STMN3: variants seen among roughly 807,000 people sequenced by gnomAD.
STMN3 encodes the protein stathmin 3.
In STMN3, 24 loss-of-function variants were observed where a neutral mutation model predicts 23.2. The ratio of observed to expected loss-of-function variants is 1.03; its 90% CI spans 0.75 to 1.45. The LOEUF is 1.45. Ranked by LOEUF, STMN3 falls within the 40% of genes most tolerant of loss-of-function variation. The pLI, the probability that STMN3 is intolerant of heterozygous loss-of-function variation, is 0.00. For synonymous variants in STMN3, 117 were observed against 103.4 expected, an observed-to-expected ratio of 1.13 and a Z score of -0.80; for missense variants, 235 against 237.6, an observed-to-expected ratio of 0.99 and a Z score of 0.07.
chr20:63,647,817 A>G (rs1286808733), intron 1 of STMN3, among the ~76,000 whole-genome samples: 7 of 128,308 alleles, frequency 5.5e-5, no homozygotes, highest in African/African-American at 1.7e-4. Flanking sequence ...ACACGTGTAT[A>G]TATAATATAT....
intron 1 of STMN3, among the ~76,000 whole-genome samples, chr20:63,646,672 A>G (rs936842862): frequency 6.6e-6 from 1 of 151,866 alleles, no homozygotes; most frequent in Non-Finnish European, 1.5e-5. Context: ...TTTTAGAAAC[A>G]GGACTGTGCT....
chr20:63,647,015 A>G (rs2089814349), intron 1 of STMN3, among the ~76,000 whole-genome samples: 1 of 151,996 alleles, frequency 6.6e-6, no homozygotes, highest in African/African-American at 2.4e-5. Context: ...GCTTAAAAAA[A>G]AGAAAAAAAT....
intron 2 of STMN3, 24 bp from the exon 3 acceptor site, chr20:63,643,955 G>C (rs776007815): frequency 6.3e-7 from 1 of 1,586,612 alleles, no homozygotes; most frequent in Middle Eastern, 1.7e-4. Context: ...CCAGAGTAGA[G>C]CTTCAGAGGC....
At chr20:63,644,529 T>C (rs953658159) in intron 1 of STMN3, among the ~76,000 whole-genome samples, 1 of 152,152 alleles carries the variant, frequency 6.6e-6, no homozygotes, top group African/African-American at 2.4e-5. Context: ...GCCTTCTGTC[T>C]CTCTCGCCCT....
chr20:63,641,593 T>G (rs2089762648), intron 4 of STMN3, among the ~76,000 whole-genome samples, 196 bp from the exon 5 acceptor site: 1 of 152,124 alleles, frequency 6.6e-6, no homozygotes, highest in African/African-American at 2.4e-5. Context: ...AAGGACGGGT[T>G]TCCTGGGAGC....
intron 4 of STMN3, 149 bp from the exon 5 acceptor site, chr20:63,641,546 G>A (rs1601053343): frequency 5.9e-5 from 37 of 629,338 alleles, no homozygotes; most frequent in South Asian, 4.8e-4. Context: ...TTGAGGGGGC[G>A]GGAGCACCGG....
intron 3 of STMN3, 129 bp downstream of exon 3, chr20:63,643,627 C>A: frequency 7.3e-7 from 1 of 1,371,646 alleles, no homozygotes; most frequent in Non-Finnish European, 9.3e-7. Context: ...CAGGGAGCCA[C>A]AGCCCCTCCT....
At chr20:63,644,568 G>A (rs910119944) in intron 1 of STMN3, among the ~76,000 whole-genome samples, 1 of 151,966 alleles carries the variant, frequency 6.6e-6, no homozygotes, top group Non-Finnish European at 1.5e-5. Context: ...CCTCTCTCTC[G>A]GCATTAATGT....
intron 1 of STMN3, among the ~76,000 whole-genome samples, chr20:63,648,808 C>T (rs1232287902): frequency 1.3e-5 from 2 of 152,134 alleles, no homozygotes; most frequent in East Asian, 3.9e-4. Context: ...AAGCCCCTGT[C>T]TGCCCTAAGC....
rs766303752 is a variant in STMN3 at position 63,643,939 on chromosome 20, GC to G, written c.116-9del. The stretch of plus-strand genomic sequence containing the variant: ...GCTGCTTCACCTCCATGTCTGCAGG[GC>G]AAGACCAGAGTAGAGCTTCAGAGGC... On this transcript the variant is annotated splice_polypyrimidine_tract_variant and intron_variant, in intron 2 of 4. Transcript: ENST00000370053. 11 of 1,593,774 alleles carry G rather than the reference GC, an allele frequency of 6.9e-6. No homozygotes were observed. The African/African-American group carries it at 1.5e-4, about 22-fold the overall frequency.
intron 2 of STMN3, 62 bp downstream of exon 2, chr20:63,644,152 C>CG (rs1945539681): frequency 6.7e-7 from 1 of 1,503,634 alleles, no homozygotes; most frequent in South Asian, 1.1e-5. Flanking sequence ...TGCCGGAGGC[C>CG]GGGGGAAAAG....
At chr20:63,649,528 C>T (rs1221377277) in intron 1 of STMN3, among the ~76,000 whole-genome samples, 1 of 151,964 alleles carries the variant, frequency 6.6e-6, no homozygotes, top group African/African-American at 2.4e-5. Flanking sequence ...CTCCCTCTCT[C>T]TCTCTCTTTT....
chr20:63,650,931 G>A (rs980115581), intron 1 of STMN3, among the ~76,000 whole-genome samples: 13 of 129,680 alleles, frequency 1.0e-4, no homozygotes, highest in Non-Finnish European at 1.7e-4. Context: ...CTTCTCTTTC[G>A]TCTTCTTCGT....
chr20:63,653,362 G>A lies in STMN3; in HGVS notation c.-17C>T. On this transcript the variant is annotated 5_prime_UTR_variant, in exon 1 of 5. Coordinates refer to ENST00000370053, the MANE Select transcript of STMN3 (RefSeq NM_015894.4). ...GCTGGCCATGGTGCTGGCGGCGGTT[G>A]GGCCTGCGGAGGCTGGAGAGGCGCA... 1 of 1,544,614 alleles carries A rather than the reference G, an allele frequency of 6.5e-7. No homozygotes were observed. Among genetic ancestry groups the A allele is most frequent in the Non-Finnish European group, 8.7e-7 (1 of 1,145,398 alleles).
rs1466214523 is a variant in STMN3 at position 63,653,410 on chromosome 20, G to A, written c.-65C>T. The A allele has an allele frequency of 1.3e-5, 19 of 1,512,486 alleles. No homozygotes were observed. In the South Asian group the frequency reaches 1.8e-4, roughly 15 times the overall value. 93.7% of individuals were successfully genotyped at this position (1,512,486 alleles called of 1,614,324 possible). On this transcript the variant is annotated 5_prime_UTR_variant, in exon 1 of 5. Coordinates refer to ENST00000370053, the MANE Select transcript of STMN3 (RefSeq NM_015894.4). Reference sequence around the variant, plus strand: ...GCAAGTGGCGGCCGGAGCTGCAGACGGCTGGTGCTGCAGTGCCGGGGAGGG... The same window carrying A: ...GCAAGTGGCGGCCGGAGCTGCAGACAGCTGGTGCTGCAGTGCCGGGGAGGG...
Position 63,641,009 on chromosome 20 carries a change from G to C in STMN3, c.*329C>G, listed in dbSNP as rs1161035849. On this transcript the variant is annotated 3_prime_UTR_variant, in exon 5 of 5. Transcript: ENST00000370053. ...GCACGTGCTGACCAGACAGCCCAGCGTAAGGACCCGTGATCCCACGCCACC... is the reference window on the plus strand; with the variant it reads ...GCACGTGCTGACCAGACAGCCCAGCCTAAGGACCCGTGATCCCACGCCACC... The C allele has an allele frequency of 4.6e-6, 2 of 431,996 alleles. No individual in the cohort carries two copies. The highest frequency in any genetic ancestry group is 8.7e-6 in the Non-Finnish European group (2 of 229,394). The allele number at this position is 431,996 out of a possible 1,614,324, so 26.8% of individuals were successfully genotyped here.
chr20:63,649,278 C>G (rs893350544), intron 1 of STMN3, among the ~76,000 whole-genome samples: 2 of 152,128 alleles, frequency 1.3e-5, no homozygotes, highest in Non-Finnish European at 1.5e-5. Context: ...GGCAGGACAG[C>G]AGGTCAGGAA....
chr20:63,647,700 A>G (rs572583556), intron 1 of STMN3, among the ~76,000 whole-genome samples: 1 of 132,618 alleles, frequency 7.5e-6, no homozygotes, highest in Non-Finnish European at 1.6e-5. Context: ...TATATATATA[A>G]TATATATACA....
At chr20:63,647,868 A>G (rs1390546148) in intron 1 of STMN3, among the ~76,000 whole-genome samples, 2 of 125,924 alleles carry the variant, frequency 1.6e-5, no homozygotes, top group African/African-American at 5.6e-5. Flanking sequence ...ACGTATATAT[A>G]CACGTGTATA....
Sources: gnomAD v4.1 joint callset for allele counts (sites outside exome capture counted in the v4.1 genomes callset) on GRCh38, gnomAD v4.1.1 for gene constraint, MANE v1.5 for transcripts, NCBI Gene and HGNC (gene_info 2026-07-23, HGNC 2026-07-21) for gene names.